The following TEX11 variants were observed in gnomAD, a reference collection of about 807,000 sequenced individuals.
TEX11 encodes the protein testis expressed 11.
A neutral mutation model predicts 84.4 loss-of-function variants in TEX11; 7 were observed. That is an observed-to-expected ratio of 0.08 (90% CI 0.05 to 0.16). The LOEUF (loss-of-function observed/expected upper bound fraction) is 0.16. Ranked by LOEUF, TEX11 falls within the 10% of genes least tolerant of loss-of-function variation. TEX11 has a pLI of 1.00. For synonymous variants in TEX11, 264 were observed against 222.8 expected (o/e 1.18, Z -1.64); for missense variants, 551 against 660.5 (o/e 0.83, Z 1.82).
At chrX:70,899,139 G>A (rs764487675) in intron 2 of TEX11, among the ~76,000 whole-genome samples, 1 of 112,034 alleles carries the variant, frequency 8.9e-6, no homozygotes, top group East Asian at 2.8e-4. Context: ...AGTCCTTTGA[G>A]ATTCAATGAA....
chrX:70,870,934 C>T (rs2091626523), intron 4 of TEX11, among the ~76,000 whole-genome samples: 1 of 111,343 alleles, frequency 9.0e-6, no homozygotes, highest in Admixed American at 9.5e-5. Context: ...GGGGGAGGGA[C>T]GGAGTTTCAC....
At chrX:70,751,583 T>C (rs931454489) in intron 9 of TEX11, among the ~76,000 whole-genome samples, 2 of 108,988 alleles carry the variant, frequency 1.8e-5, no homozygotes, top group African/African-American at 6.7e-5. Flanking sequence ...TGTATACATA[T>C]GTAACTAACC....
intron 8 of TEX11, among the ~76,000 whole-genome samples, chrX:70,815,442 A>G (rs1426096798): frequency 9.0e-6 from 1 of 110,857 alleles, no homozygotes; most frequent in African/African-American, 3.3e-5. Context: ...CCCTCCTGCC[A>G]TGGCTTCGGT....
intron 17 of TEX11, among the ~76,000 whole-genome samples, chrX:70,645,523 T>C (rs1039011451): frequency 3.9e-5 from 4 of 101,869 alleles, no homozygotes; most frequent in African/African-American, 1.0e-4. Context: ...CATGATCTTA[T>C]ATATAGAAAA....
chrX:70,535,301 G>A (rs2087941614), intron 28 of TEX11, among the ~76,000 whole-genome samples: 1 of 112,041 alleles, frequency 8.9e-6, no homozygotes, highest in Admixed American at 9.5e-5. Context: ...TTGGACACAT[G>A]TTTTCATTTC....
chrX:70,594,116 C>T (rs1257641364), intron 24 of TEX11, among the ~76,000 whole-genome samples: 1 of 110,890 alleles, frequency 9.0e-6, no homozygotes, highest in Non-Finnish European at 1.9e-5. Flanking sequence ...TTGAAACTAG[C>T]AAAGAGAAAC....
intron 2 of TEX11, among the ~76,000 whole-genome samples, chrX:70,891,386 C>T (rs750797393): frequency 2.7e-5 from 3 of 111,482 alleles, no homozygotes; most frequent in East Asian, 5.6e-4. Flanking sequence ...ATGACTTTGA[C>T]GAGCTGACAG....
At chrX:70,649,370 C>T (rs970412394) in intron 17 of TEX11, among the ~76,000 whole-genome samples, 1 of 112,059 alleles carries the variant, frequency 8.9e-6, no homozygotes, top group Non-Finnish European at 1.9e-5. Context: ...TACAGCCTCA[C>T]CAGCATCTGT....
chrX:70,728,608 G>A (rs1002833374), intron 11 of TEX11, among the ~76,000 whole-genome samples: 1 of 111,512 alleles, frequency 9.0e-6, no homozygotes, highest in South Asian at 3.8e-4. Flanking sequence ...CAGCAGCGAG[G>A]CTGGGGGAGG....
chrX:70,873,379 T>A, intron 3 of TEX11, 72 bp from the exon 4 acceptor site: 2 of 702,869 alleles, frequency 2.8e-6, no homozygotes, highest in Non-Finnish European at 4.5e-6. Context: ...CATTCTTGAA[T>A]GTTGTATGCT....
chrX:70,594,236 A>T (rs1237877339), intron 24 of TEX11, among the ~76,000 whole-genome samples: 1 of 111,677 alleles, frequency 9.0e-6, no homozygotes, highest in Non-Finnish European at 1.9e-5. Flanking sequence ...AAAGAAAAAT[A>T]AAAGTCTACT....
At chrX:70,741,792 A>G (rs1366246026) in intron 10 of TEX11, among the ~76,000 whole-genome samples, 1 of 110,514 alleles carries the variant, frequency 9.0e-6, no homozygotes, top group African/African-American at 3.3e-5. Flanking sequence ...GTGGACCCCA[A>G]AAAGGCCTGT....
chrX:70,833,605 A>G lies in TEX11; in HGVS notation c.526-12T>C. The G allele has an allele frequency of 8.6e-7, 1 of 1,163,203 alleles. No homozygotes were observed. The highest frequency in any genetic ancestry group is 1.9e-5 in the South Asian group (1 of 53,760). ...CCTTGAGCAACTGCCTGAAAAAGAT[A>G]AAGAATGTCAATAATTGGTTAAAAT... On this transcript the variant is annotated splice_polypyrimidine_tract_variant and intron_variant, in intron 7 of 29. Coordinates refer to ENST00000374333, the MANE Select transcript of TEX11 (RefSeq NM_031276.3).
intron 12 of TEX11, chrX:70,724,098 G>A: frequency 1.3e-6 from 1 of 752,906 alleles, no homozygotes; most frequent in Non-Finnish European, 1.6e-6. Flanking sequence ...ACTGTCATAA[G>A]GAATTATCAT....
At chrX:70,521,662 C>T in the TEX11 span, among the ~76,000 whole-genome samples, 2 of 111,413 alleles carry the variant, frequency 1.8e-5, no homozygotes, top group Non-Finnish European at 3.8e-5. Flanking sequence ...TGTTTATTAC[C>T]GAATTCTGAC....
At chrX:70,572,199 C>T (rs1296751042) in intron 25 of TEX11, among the ~76,000 whole-genome samples, 1 of 109,043 alleles carries the variant, frequency 9.2e-6, no homozygotes, top group Non-Finnish European at 1.9e-5. Flanking sequence ...AGGATATGAA[C>T]AGACACTTCT....
intron 13 of TEX11, among the ~76,000 whole-genome samples, chrX:70,688,674 A>C (rs2090209519): frequency 9.1e-6 from 1 of 109,455 alleles, no homozygotes; most frequent in Non-Finnish European, 1.9e-5. Flanking sequence ...ATACTATAAT[A>C]GCAGATACGT....
At chrX:70,767,050 G>C (rs1423186330) in intron 9 of TEX11, among the ~76,000 whole-genome samples, 2 of 111,745 alleles carry the variant, frequency 1.8e-5, no homozygotes, top group Non-Finnish European at 3.8e-5. Context: ...TATAACATCA[G>C]TCTGGGCAAA....
the TEX11 span, among the ~76,000 whole-genome samples, chrX:70,514,029 G>A: frequency 9.2e-6 from 1 of 109,194 alleles, no homozygotes; most frequent in Non-Finnish European, 1.9e-5. Flanking sequence ...TGAACCGTAT[G>A]AAATTGCCAT....
Sources: allele counts gnomAD v4.1 joint callset (sites outside exome capture counted in the v4.1 genomes callset), GRCh38; gene constraint gnomAD v4.1.1; transcripts MANE v1.5; gene names NCBI Gene and HGNC (gene_info 2026-07-23, HGNC 2026-07-21).